SBF2: variants seen among roughly 807,000 people sequenced by gnomAD.
The protein encoded by SBF2 is myotubularin-related protein 13.
A neutral mutation model predicts 225.2 loss-of-function variants in SBF2; 112 were observed. The ratio of observed to expected loss-of-function variants is 0.50; its 90% CI spans 0.43 to 0.58. The LOEUF (loss-of-function observed/expected upper bound fraction) is 0.58, where lower values mean the gene tolerates loss of function less well. Among genes scored for constraint, SBF2 ranks in the 20% least tolerant of loss-of-function variants. The pLI is 0.00. For synonymous variants in SBF2, 763 were observed against 773.3 expected, an observed-to-expected ratio of 0.99 and a Z score of 0.22; for missense variants, 1,996 against 2,206.2, an observed-to-expected ratio of 0.90 and a Z score of 1.91.
chr11:9,977,116 C>G lies in SBF2; in HGVS notation c.1396-8571G>C, dbSNP rs776096492. 2.0e-5 allele frequency among the ~76,000 whole-genome samples: 3 copies of G among 152,206 alleles called. No homozygotes were observed. In the East Asian group the frequency reaches 5.8e-4, roughly 29 times the overall value. On this transcript the variant is annotated intron_variant, in intron 13 of 39. Transcript: ENST00000256190. Reference sequence around the variant, plus strand: ...TTATGAAGTTCTTGTCTTGGCCTATCTTTTTGTCTTGGCCTATCTTAATGT... The same window carrying G: ...TTATGAAGTTCTTGTCTTGGCCTATGTTTTTGTCTTGGCCTATCTTAATGT...
At chr11:10,227,785 G>C (rs1186316430) in intron 1 of SBF2, among the ~76,000 whole-genome samples, 2 of 152,040 alleles carry the variant, frequency 1.3e-5, no homozygotes, top group African/African-American at 2.4e-5. Context: ...TTTGGCTTAG[G>C]ATTGACTTGG....
intron 16 of SBF2, among the ~76,000 whole-genome samples, chr11:9,913,648 T>A (rs534656425): frequency 1.2e-5 from 1 of 80,242 alleles, no homozygotes; most frequent in East Asian, 2.7e-4. Context: ...ATTAAAAAAA[T>A]AAAATAAAAT....
intron 2 of SBF2, among the ~76,000 whole-genome samples, chr11:10,153,633 A>G (rs890670890): frequency 3.9e-5 from 6 of 152,172 alleles, no homozygotes; most frequent in African/African-American, 1.4e-4. Flanking sequence ...TGTAATGCAA[A>G]TTAACCCAAA....
In SBF2 at chr11:9,785,315, G is replaced by A. The variant is rs1343702415; in HGVS notation, c.5041C>T (p.Gln1681Ter). ...CCTGGGGATCTCGACAGGTGTCTTT[G>A]GGACTGAAAAAGACAGGACAGGAGC... is the stretch of plus-strand genomic sequence containing the variant. ...LKEEPRTDRS[Q>*]RHLSRSPGIV... Residue 1681 changes from glutamine (Q) to a stop codon, truncating the protein, a stop_gained, in exon 37 of 40, where the codon CAA (glutamine) becomes TAA (stop). Transcript: ENST00000256190. LOFTEE classifies it high-confidence loss of function. 9.9e-6 allele frequency: 16 copies of A among 1,613,724 alleles called. No individual in the cohort carries two copies. The highest frequency in any genetic ancestry group is 1.4e-5 in the Non-Finnish European group (16 of 1,179,728).
At chr11:9,904,655 G>C (rs1303301188) in intron 16 of SBF2, among the ~76,000 whole-genome samples, 1 of 152,096 alleles carries the variant, frequency 6.6e-6, no homozygotes, top group African/African-American at 2.4e-5. Flanking sequence ...TGCTCTAATG[G>C]ACACTGCACT....
At chr11:10,034,066 C>T (rs1439033936) in intron 3 of SBF2, among the ~76,000 whole-genome samples, 1 of 152,172 alleles carries the variant, frequency 6.6e-6, no homozygotes, top group Non-Finnish European at 1.5e-5. Context: ...ATTATTTCTT[C>T]TCATTAAATT....
intron 6 of SBF2, among the ~76,000 whole-genome samples, chr11:10,003,290 T>C (rs1192754451): frequency 6.6e-6 from 1 of 152,240 alleles, no homozygotes; most frequent in African/African-American, 2.4e-5. Context: ...AATCCATCTA[T>C]ACTTATTGTA....
chr11:10,214,296 A>C (rs990785220), intron 1 of SBF2, among the ~76,000 whole-genome samples: 1 of 152,176 alleles, frequency 6.6e-6, no homozygotes, highest in African/African-American at 2.4e-5. Flanking sequence ...CCCCAGGTTG[A>C]GAACCACTGC....
rs546776408 is a variant in SBF2 at position 9,831,441 on chromosome 11, T to C, written c.3652+783A>G. Reference sequence around the variant, plus strand: ...GGAAGGCTGCCCTCAGTCAACCTAATGATCAAAACATTGGCTGACTTTCAA... The same window carrying C: ...GGAAGGCTGCCCTCAGTCAACCTAACGATCAAAACATTGGCTGACTTTCAA... On this transcript the variant is annotated intron_variant, in intron 27 of 39. Transcript: ENST00000256190. Among the ~76,000 whole-genome samples the C allele has an allele frequency of 1.5e-3, 223 of 152,344 alleles. 1 individual carries two copies. The highest frequency in any genetic ancestry group is 5.1e-3 in the African/African-American group (211 of 41,580).
At chr11:9,912,541 C>T (rs1862727504) in intron 16 of SBF2, among the ~76,000 whole-genome samples, 1 of 152,186 alleles carries the variant, frequency 6.6e-6, no homozygotes, top group South Asian at 2.1e-4. Context: ...GAGATCACTC[C>T]ACTGCACTCC....
intron 2 of SBF2, among the ~76,000 whole-genome samples, chr11:10,097,719 T>A (rs1411710084): frequency 6.6e-6 from 1 of 152,048 alleles, no homozygotes; most frequent in Non-Finnish European, 1.5e-5. Context: ...AATAAATAGA[T>A]GCATTGAAAA....
At chr11:9,783,596 G>C (rs1852175708) in intron 38 of SBF2, among the ~76,000 whole-genome samples, 1 of 152,194 alleles carries the variant, frequency 6.6e-6, no homozygotes, top group African/African-American at 2.4e-5. Context: ...GTTTGGGTAG[G>C]AACTGCTCTC....
At chr11:9,801,562 T>C (rs1397627746) in intron 32 of SBF2, among the ~76,000 whole-genome samples, 1 of 152,230 alleles carries the variant, frequency 6.6e-6, no homozygotes, top group Non-Finnish European at 1.5e-5. Context: ...AACCTGGATA[T>C]GGTTAAACAG....
chr11:10,133,093 T>C (rs1245013480), intron 2 of SBF2, among the ~76,000 whole-genome samples: 3 of 143,576 alleles, frequency 2.1e-5, no homozygotes, highest in Non-Finnish European at 4.6e-5. Context: ...CTCCACTTCC[T>C]CACCAGAGCA....
intron 2 of SBF2, among the ~76,000 whole-genome samples, chr11:10,057,516 G>A (rs183676699): frequency 9.5e-4 from 144 of 152,192 alleles, no homozygotes; most frequent in Non-Finnish European, 1.5e-3. Context: ...GGCCCACAGC[G>A]CAAACTCTCT....
At chr11:9,917,633 CA>C (rs1863213143) in intron 16 of SBF2, among the ~76,000 whole-genome samples, 3 of 151,258 alleles carry the variant, frequency 2.0e-5, no homozygotes, top group Admixed American at 1.3e-4. Flanking sequence ...CGCCCAGCCA[CA>C]AGTTTTTATT....
At chr11:9,976,342 G>T (rs1242328757) in intron 13 of SBF2, among the ~76,000 whole-genome samples, 1 of 152,072 alleles carries the variant, frequency 6.6e-6, no homozygotes, top group South Asian at 2.1e-4. Context: ...AAAGTGCTGG[G>T]ATTACAGGCG....
intron 16 of SBF2, chr11:9,929,194 T>A (rs1202316940): frequency 2.1e-5 from 4 of 191,906 alleles, no homozygotes; most frequent in Non-Finnish European, 4.2e-5. Flanking sequence ...TCTATGGTCA[T>A]TTGGCATTTG....
At chr11:10,223,415 A>AG (rs779421401) in intron 1 of SBF2, among the ~76,000 whole-genome samples, 4 of 91,954 alleles carry the variant, frequency 4.4e-5, no homozygotes, top group Non-Finnish European at 1.0e-4. Context: ...ATATATATAT[A>AG]TATATATATA....
Sources: gnomAD v4.1 joint callset for allele counts (sites outside exome capture counted in the v4.1 genomes callset) on GRCh38, gnomAD v4.1.1 for gene constraint, MANE v1.5 for transcripts, NCBI Gene and HGNC (gene_info 2026-07-23, HGNC 2026-07-21) for gene names.